UROC1: variants seen among roughly 807,000 people sequenced by gnomAD.
The protein encoded by UROC1 is urocanate hydratase.
A neutral mutation model predicts 89.5 loss-of-function variants in UROC1; 79 were observed. That is an observed-to-expected ratio of 0.88 (90% CI 0.74 to 1.06). UROC1 has a LOEUF of 1.06. Among genes scored for constraint, UROC1 ranks in the 50% least tolerant of loss-of-function variants. UROC1 has a pLI of 0.00. For missense variants in UROC1, 885 were observed against 907.8 expected (o/e 0.97, Z 0.32); for synonymous variants, 361 against 354.8 (o/e 1.02, Z -0.20).
At chr3:126,506,735 G>A (rs1029367952) in intron 6 of UROC1, among the ~76,000 whole-genome samples, 7 of 152,212 alleles carry the variant, frequency 4.6e-5, no homozygotes, top group South Asian at 2.1e-4. Flanking sequence ...AATCTAGGAC[G>A]TAAGAGGGAT....
chr3:126,510,625 C>T (rs759739721), intron 2 of UROC1, 39 bp downstream of exon 2: 1 of 1,610,428 alleles, frequency 6.2e-7, no homozygotes, highest in Non-Finnish European at 8.5e-7. Flanking sequence ...GAGCTGCCTG[C>T]CCCTCGGGTC....
chr3:126,496,658 G>A (rs1267290253), intron 14 of UROC1, among the ~76,000 whole-genome samples: 1 of 152,224 alleles, frequency 6.6e-6, no homozygotes, highest in Non-Finnish European at 1.5e-5. Context: ...ATGTGAGAGG[G>A]CACAGGAGCC....
Position 126,517,706 on chromosome 3 carries a change from T to C in UROC1, c.14A>G (p.Gln5Arg). 6.3e-7 allele frequency: 1 copy of C among 1,581,898 alleles called. No homozygotes were observed. The highest frequency in any genetic ancestry group is 8.6e-7 in the Non-Finnish European group (1 of 1,164,480). The change falls in exon 1 of 20, where the codon CAG becomes CGG. Residue 5 changes from glutamine to arginine, a missense_variant. Gln to Arg is a conservative substitution (Grantham distance 43, BLOSUM62 1). Coordinates refer to ENST00000290868, the MANE Select transcript of UROC1 (RefSeq NM_144639.3). The stretch of plus-strand genomic sequence containing the variant: ...CAGGGGCAGGCCAGAGCACAGCGCC[T>C]GGAGGCTAGACATGTGTGACTGAGA... MSSL[Q>R]ALCSGLPLRP...
At chr3:126,496,888 G>T (rs1282211290) in intron 14 of UROC1, among the ~76,000 whole-genome samples, 1 of 152,190 alleles carries the variant, frequency 6.6e-6, no homozygotes, top group Non-Finnish European at 1.5e-5. Context: ...GGCATGTGGA[G>T]CTGGGTCAGC....
chr3:126,497,970 C>T, intron 14 of UROC1, 81 bp downstream of exon 14: 1 of 1,609,584 alleles, frequency 6.2e-7, no homozygotes, highest in Non-Finnish European at 8.5e-7. Flanking sequence ...CTAGGTGGGC[C>T]TGCTATAGAA....
At chr3:126,495,914 C>A (rs989798316) in intron 15 of UROC1, 124 bp downstream of exon 15, 3 of 917,310 alleles carry the variant, frequency 3.3e-6, no homozygotes, top group African/African-American at 1.6e-5. Flanking sequence ...TGTGTGTGCA[C>A]CCTCTCAGGG....
chr3:126,498,521 T>C (rs1183609667), intron 13 of UROC1, among the ~76,000 whole-genome samples: 5 of 152,068 alleles, frequency 3.3e-5, no homozygotes, highest in African/African-American at 1.2e-4. Context: ...GCTGTAGCCT[T>C]GGGGAACTCG....
rs772322510 is a variant in UROC1 at position 126,499,336 on chromosome 3, C to A, written c.1316+1G>T. 1 of 1,611,052 alleles carries A rather than the reference C, an allele frequency of 6.2e-7. No individual in the cohort carries two copies. Among genetic ancestry groups the A allele is most frequent in the Non-Finnish European group, 8.5e-7 (1 of 1,179,486 alleles). On this transcript the variant is annotated splice_donor_variant, in intron 13 of 19. Coordinates refer to ENST00000290868, the MANE Select transcript of UROC1 (RefSeq NM_144639.3). LOFTEE classifies it high-confidence loss of function. ...AGATGTGGCAGCCGCCCATCACTCA[C>A]CCCATGATGTGCTGCACATAGGAAG...
intron 1 of UROC1, 110 bp downstream of exon 1, chr3:126,517,484 G>A: frequency 1.3e-6 from 2 of 1,550,862 alleles, no homozygotes; most frequent in Middle Eastern, 1.8e-4. Flanking sequence ...AGTCCAGGGT[G>A]GGCGGCTGAG....
intron 9 of UROC1, among the ~76,000 whole-genome samples, chr3:126,502,275 TTATG>T (rs1935943455): frequency 7.2e-6 from 1 of 138,424 alleles, no homozygotes; most frequent in East Asian, 2.2e-4. Context: ...GCCTGTGTGT[TTATG>T]TGTTTGTGTG....
intron 15 of UROC1, among the ~76,000 whole-genome samples, chr3:126,495,707 T>C (rs1247627433): frequency 6.6e-6 from 1 of 152,188 alleles, no homozygotes; most frequent in Non-Finnish European, 1.5e-5. Flanking sequence ...CTATTTTTGA[T>C]TTTTTGCAGA....
At chr3:126,493,555 G>A (rs1935704596) in intron 15 of UROC1, among the ~76,000 whole-genome samples, 2 of 152,310 alleles carry the variant, frequency 1.3e-5, no homozygotes, top group South Asian at 2.1e-4. Context: ...CTTATATGAG[G>A]TTGTTGAGTG....
intron 3 of UROC1, 76 bp downstream of exon 3, chr3:126,509,509 C>T: frequency 7.4e-7 from 1 of 1,345,590 alleles, no homozygotes; most frequent in African/African-American, 1.5e-5. Context: ...AAATTAAGAG[C>T]TTAAAAGCAT....
rs367887276 is a variant in UROC1 at position 126,509,594 on chromosome 3, G to A, written c.342C>T (p.Ala114=). The A allele has an allele frequency of 3.5e-5, 54 of 1,551,718 alleles. No homozygotes were observed. Among genetic ancestry groups the A allele is most frequent in the Middle Eastern group, 3.3e-4 (2 of 6,012 alleles). Residue 114 remains alanine (A), a synonymous_variant, in exon 3 of 20, where the codon GCC becomes GCT. Transcript: ENST00000290868. The stretch of plus-strand genomic sequence containing the variant: ...TTTCCCTGGCTATTACCTGGGCCAC[G>A]GCAGGATCCAGGTTGTTCATAATCA... The part of the protein sequence containing the change: ...MHMIMNNLDP[A]VAQFPQELVT...
At chr3:126,505,637 A>AAGGGAGGGAGGGAGGGAGGG (rs55684916) in intron 8 of UROC1, 64 bp downstream of exon 8, 9 of 1,508,702 alleles carry the variant, frequency 6.0e-6, no homozygotes, top group African/African-American at 5.8e-5. Context: ...CGGGAGGAAG[A>AAGGGAGGGAGGGAGGGAGGG]AGGGAGGGAG....
chr3:126,511,348 A>G (rs1560128258), intron 1 of UROC1, among the ~76,000 whole-genome samples: 1 of 152,158 alleles, frequency 6.6e-6, no homozygotes, highest in Non-Finnish European at 1.5e-5. Context: ...CGTGGGTTCT[A>G]ATACATCCAT....
chr3:126,507,047 C>T (rs554685321), intron 6 of UROC1, among the ~76,000 whole-genome samples: 5 of 152,268 alleles, frequency 3.3e-5, no homozygotes, highest in African/African-American at 1.2e-4. Context: ...CCATTGCACT[C>T]CAGCCTGGGC....
chr3:126,509,541 G>A (rs1436238101), intron 3 of UROC1, 44 bp downstream of exon 3: 2 of 1,495,268 alleles, frequency 1.3e-6, no homozygotes, highest in Admixed American at 2.0e-5. Flanking sequence ...CTCGTGTTCT[G>A]TTTCTGCTGG....
Position 126,509,537 on chromosome 3 carries a change from TTC to T in UROC1, c.351+46_351+47del, listed in dbSNP as rs773974810. Reference sequence around the variant, plus strand: ...AAAAGCATGACACGTGTGTCTCGTGTTCTGTTTCTGCTGGACAGTGCTGGGCC... The same window carrying T: ...AAAAGCATGACACGTGTGTCTCGTGTTGTTTCTGCTGGACAGTGCTGGGCC... On this transcript the variant is annotated intron_variant, in intron 3 of 19. Coordinates refer to ENST00000290868, the MANE Select transcript of UROC1 (RefSeq NM_144639.3). 6.6e-5 allele frequency: 98 copies of T among 1,476,544 alleles called. No individual in the cohort carries two copies. In the African/African-American group the frequency reaches 1.2e-3, roughly 19 times the overall value. The allele number at this position is 1,476,544 out of a possible 1,614,324, so 91.5% of individuals were successfully genotyped here. A position where few individuals can be genotyped will look rare whatever the true frequency, so the allele number is the denominator to read the frequency against.
Sources: allele counts gnomAD v4.1 joint callset (sites outside exome capture counted in the v4.1 genomes callset), GRCh38; gene constraint gnomAD v4.1.1; transcripts MANE v1.5; gene names NCBI Gene and HGNC (gene_info 2026-07-23, HGNC 2026-07-21).